The following NCOR2 variants were observed in gnomAD, a reference collection of about 807,000 sequenced individuals.
NCOR2 encodes nuclear receptor corepressor 2, also known as CTG repeat protein 26.
Under a neutral mutation model 262.9 loss-of-function variants are expected in NCOR2, and 81 were observed. That is an observed-to-expected ratio of 0.31 (90% CI 0.26 to 0.37). The LOEUF (loss-of-function observed/expected upper bound fraction) is 0.37, where lower values mean the gene tolerates loss of function less well. Among genes scored for constraint, NCOR2 ranks in the 10% least tolerant of loss-of-function variants. The pLI, the probability that NCOR2 is intolerant of heterozygous loss-of-function variation, is 1.00. For missense variants in NCOR2, 3,385 were observed against 3,621.4 expected, an observed-to-expected ratio of 0.93 and a Z score of 1.68; for synonymous variants, 1,659 against 1,559.3, an observed-to-expected ratio of 1.06 and a Z score of -1.51.
At chr12:124,428,497 C>T (rs1472323910) in intron 10 of NCOR2, among the ~76,000 whole-genome samples, 3 of 152,228 alleles carry the variant, frequency 2.0e-5, no homozygotes, top group Admixed American at 2.0e-4. Context: ...GAATCAGAGT[C>T]TCTGGTGAGA....
intron 16 of NCOR2, among the ~76,000 whole-genome samples, chr12:124,394,061 C>T (rs953004487): frequency 3.3e-5 from 5 of 152,248 alleles, no homozygotes; most frequent in East Asian, 1.9e-4. Flanking sequence ...TGGCGGGGGC[C>T]GAGGCCCCAA....
At chr12:124,511,127 CAGAG>C (rs1471067198) in intron 1 of NCOR2, among the ~76,000 whole-genome samples, 1 of 152,216 alleles carries the variant, frequency 6.6e-6, no homozygotes, top group Non-Finnish European at 1.5e-5. Context: ...AGTTTGCAAA[CAGAG>C]AGACTGAGGC....
At chr12:124,370,033 G>A (rs868860497) in intron 20 of NCOR2, among the ~76,000 whole-genome samples, 2 of 152,216 alleles carry the variant, frequency 1.3e-5, no homozygotes, top group South Asian at 4.1e-4. Context: ...CCCGGCGAAG[G>A]CAGAAACATG....
intron 1 of NCOR2, among the ~76,000 whole-genome samples, chr12:124,491,849 T>C (rs2048097442): frequency 6.6e-6 from 1 of 152,152 alleles, no homozygotes; most frequent in Non-Finnish European, 1.5e-5. Flanking sequence ...AGGATCCTGC[T>C]ACTGTCACGG....
chr12:124,367,091 T>C (rs1051053863), intron 20 of NCOR2, among the ~76,000 whole-genome samples: 2 of 152,114 alleles, frequency 1.3e-5, no homozygotes, highest in African/African-American at 4.8e-5. Context: ...ACACAAAACA[T>C]GAGGTGCCAC....
At chr12:124,433,373 A>G (rs2044091965) in intron 8 of NCOR2, among the ~76,000 whole-genome samples, 1 of 152,246 alleles carries the variant, frequency 6.6e-6, no homozygotes, top group Non-Finnish European at 1.5e-5. Flanking sequence ...GCTCACCTCA[A>G]GCCAGCAGAG....
At position 124,483,867 on chromosome 12, in the gene NCOR2, G is replaced by A. The variant is rs553584866; in HGVS notation, c.234-94C>T. 4,500 of 1,372,580 alleles carry A rather than the reference G, an allele frequency of 3.3e-3. 11 individuals are homozygous for A. Among genetic ancestry groups the A allele is most frequent in the Non-Finnish European group, 3.9e-3 (4,100 of 1,040,942 alleles). 85.0% of individuals were successfully genotyped at this position (1,372,580 alleles called of 1,614,324 possible). On this transcript the variant is annotated intron_variant, in intron 2 of 46. Transcript: ENST00000405201. This position sits in a 1 kb window ranked among gnomAD's most constrained non-coding sequence, Gnocchi z 6.3. ...ACCCTCTGCGCCGAGCATCTACTGC[G>A]CGCCGTGCTCTGTATGATCCTGCCA...
chr12:124,373,844 CAT>C (rs10563933), intron 19 of NCOR2, among the ~76,000 whole-genome samples: 4,996 of 8,876 alleles, frequency 0.56, 2,115 homozygotes, highest in Non-Finnish European at 0.83. Context: ...GGTGGACAAT[CAT>C]GAGGCCAGTG....
upstream of NCOR2, among the ~76,000 whole-genome samples, chr12:124,537,023 A>C (rs1328196191): frequency 6.6e-6 from 1 of 152,236 alleles, no homozygotes; most frequent in African/African-American, 2.4e-5. Flanking sequence ...GGCTGTGTCC[A>C]AGAAGCCAGA....
In NCOR2 at chr12:124,566,289, C is replaced by T. The variant is rs1358429690; in HGVS notation, c.-165+1019G>A. Among the ~76,000 whole-genome samples, 1 of 152,230 alleles carries T rather than the reference C, an allele frequency of 6.6e-6. No homozygotes were observed. The highest frequency in any genetic ancestry group is 2.4e-5 in the African/African-American group (1 of 41,460). ...CCGCCCCCGCTGCCTGCACCAGACC[C>T]TCGGAGAGCCGGAGCGCGCGACAGG... On this transcript the variant is annotated intron_variant, in intron 1 of 32. Transcript: ENST00000458234. The surrounding 1 kb of genome is among the most constrained non-coding windows in gnomAD (Gnocchi z 4.3).
At chr12:124,488,188 G>A (rs929634028) in intron 1 of NCOR2, among the ~76,000 whole-genome samples, 7 of 152,180 alleles carry the variant, frequency 4.6e-5, no homozygotes, top group East Asian at 3.8e-4. Flanking sequence ...AGGTGGGTGC[G>A]TTGATAATGT....
At position 124,419,105 on chromosome 12, in the gene NCOR2, T is replaced by C. The variant is rs559713883; in HGVS notation, c.1482+852A>G. Among the ~76,000 whole-genome samples, 6 of 152,144 alleles carry C rather than the reference T, an allele frequency of 3.9e-5. No homozygotes were observed. In the South Asian group the frequency reaches 1.2e-3, roughly 32 times the overall value. Reference sequence around the variant, plus strand: ...TTCAAGAGCCCGGATGCAAAACAAATTCTCCCAAACACCGAGCGCCCAGGA... The same window carrying C: ...TTCAAGAGCCCGGATGCAAAACAAACTCTCCCAAACACCGAGCGCCCAGGA... On this transcript the variant is annotated intron_variant, in intron 13 of 46. Coordinates refer to ENST00000405201, the Ensembl canonical transcript of NCOR2.
intron 8 of NCOR2, among the ~76,000 whole-genome samples, chr12:124,431,923 G>A (rs2043973500): frequency 6.6e-6 from 1 of 151,596 alleles, no homozygotes; most frequent in South Asian, 2.1e-4. Flanking sequence ...CAGCCAGCCA[G>A]CCAGACACAC....
At chr12:124,327,352 G>A (rs1005263745) in intron 45 of NCOR2, 57 bp downstream of exon 47, 29 of 1,334,298 alleles carry the variant, frequency 2.2e-5, no homozygotes, top group Non-Finnish European at 2.9e-5. Flanking sequence ...GAGGAGCGAG[G>A]ATTAATCACA....
Position 124,548,177 on chromosome 12 carries a change from G to T in NCOR2, c.-164-12566C>A, listed in dbSNP as rs116581003. ...GCCTCCTAAACGTGCACTGAGCTGG[G>T]ACCTGAATGGCAGCAAGGAGCCAGC... On this transcript the variant is annotated intron_variant, in intron 1 of 32. Coordinates refer to the NCOR2 transcript ENST00000458234. This position sits in a 1 kb window ranked among gnomAD's most constrained non-coding sequence, Gnocchi z 5.1. 3.6e-3 allele frequency among the ~76,000 whole-genome samples: 545 copies of T among 152,180 alleles called. 1 individual carries two copies. Among genetic ancestry groups the T allele is most frequent in the African/African-American group, 0.012 (514 of 41,518 alleles).
chr12:124,461,373 T>C (rs1057447909), intron 5 of NCOR2, among the ~76,000 whole-genome samples: 1 of 152,206 alleles, frequency 6.6e-6, no homozygotes, highest in African/African-American at 2.4e-5. Context: ...GTCCACCCCC[T>C]GTAGGGGCTC....
intron 32 of NCOR2, among the ~76,000 whole-genome samples, 155 bp from the exon 35 acceptor site, chr12:124,343,381 T>C (rs2036618237): frequency 6.6e-6 from 1 of 152,228 alleles, no homozygotes; most frequent in Non-Finnish European, 1.5e-5. Flanking sequence ...CACTGACTCA[T>C]TTGCTTTTGT....
intron 19 of NCOR2, among the ~76,000 whole-genome samples, chr12:124,373,452 G>A (rs1273519526): frequency 2.5e-5 from 2 of 79,050 alleles, no homozygotes; most frequent in African/African-American, 8.7e-5. Flanking sequence ...ACAGTGGGCA[G>A]TGAGGCCAGT....
chr12:124,403,127 C>T (rs2042071303), intron 13 of NCOR2, among the ~76,000 whole-genome samples: 1 of 152,160 alleles, frequency 6.6e-6, no homozygotes, highest in South Asian at 2.1e-4. Flanking sequence ...GCCCTGCCCC[C>T]GACAGAGCTC....
Sources: gnomAD v4.1 joint callset for allele counts (sites outside exome capture counted in the v4.1 genomes callset) on GRCh38, gnomAD v4.1.1 for gene constraint, Gnocchi (gnomAD v3.1) non-coding constraint, MANE v1.5 for transcripts, NCBI Gene and HGNC (gene_info 2026-07-23, HGNC 2026-07-21) for gene names.